TAMM41: variants seen among roughly 807,000 people sequenced by gnomAD.
TAMM41 encodes TAM41 mitochondrial translocator assembly and maintenance homolog.
Under a neutral mutation model 44.1 loss-of-function variants are expected in TAMM41, and 36 were observed. The ratio of observed to expected loss-of-function variants is 0.82; its 90% CI spans 0.63 to 1.08. The LOEUF (loss-of-function observed/expected upper bound fraction) is 1.08. TAMM41 is among the 50% of genes least tolerant of loss of function. The pLI is 0.00. For synonymous variants in TAMM41, 164 were observed against 153.1 expected, an observed-to-expected ratio of 1.07 and a Z score of -0.53; for missense variants, 417 against 404.3, an observed-to-expected ratio of 1.03 and a Z score of -0.27.
chr3:11,783,302 A>G, the TAMM41 span, among the ~76,000 whole-genome samples: 2 of 150,130 alleles, frequency 1.3e-5, no homozygotes, highest in Non-Finnish European at 2.9e-5. Flanking sequence ...AGGAAACTCA[A>G]CCATCAGCTC....
At chr3:11,756,647 C>CA in the TAMM41 span, among the ~76,000 whole-genome samples, 2 of 152,096 alleles carry the variant, frequency 1.3e-5, no homozygotes, top group African/African-American at 4.8e-5. Context: ...GGGCAGATCA[C>CA]ATGAGGTAGG....
At chr3:11,744,454 G>A in the TAMM41 span, among the ~76,000 whole-genome samples, 1 of 151,996 alleles carries the variant, frequency 6.6e-6, no homozygotes, top group African/African-American at 2.4e-5. Context: ...TGCACTTTGT[G>A]GGGGCCAAGG....
the TAMM41 span, among the ~76,000 whole-genome samples, chr3:11,765,460 G>A: frequency 6.6e-6 from 1 of 152,114 alleles, no homozygotes; most frequent in African/African-American, 2.4e-5. Flanking sequence ...ACTCAAATAA[G>A]TTAAGAAAAC....
the TAMM41 span, among the ~76,000 whole-genome samples, chr3:11,737,474 C>A: frequency 7.0e-4 from 106 of 152,118 alleles, no homozygotes; most frequent in Admixed American, 4.1e-3. Flanking sequence ...GCACCCACCA[C>A]CACGCCCAGC....
In TAMM41 at chr3:11,829,245, T is replaced by G. The variant is rs1385627349; in HGVS notation, c.562+469A>C. On this transcript the variant is annotated intron_variant, in intron 4 of 7. Transcript: ENST00000455809. ...ACTTGTTTCTAAAAATAAAAATTAT[T>G]GGGCCCTACCTCAAACCTATTAAAT... 3.9e-5 allele frequency among the ~76,000 whole-genome samples: 6 copies of G among 152,158 alleles called. 2 individuals are homozygous for G. Among genetic ancestry groups the G allele is most frequent in the Admixed American group, 3.9e-4 (6 of 15,266 alleles).
chr3:11,766,713 T>C, the TAMM41 span, among the ~76,000 whole-genome samples: 6 of 150,942 alleles, frequency 4.0e-5, no homozygotes, highest in Non-Finnish European at 7.4e-5. Flanking sequence ...ACCAGGTGTG[T>C]GCACTACTAC....
At chr3:11,776,948 G>A in the TAMM41 span, among the ~76,000 whole-genome samples, 1 of 152,202 alleles carries the variant, frequency 6.6e-6, no homozygotes, top group Non-Finnish European at 1.5e-5. Flanking sequence ...GAATCTGAAA[G>A]CATCAAACTC....
the TAMM41 span, among the ~76,000 whole-genome samples, chr3:11,749,660 A>T: frequency 2.6e-5 from 4 of 152,344 alleles, no homozygotes; most frequent in East Asian, 7.7e-4. Context: ...ATACACAAAC[A>T]CAACGTGCAA....
At chr3:11,803,527 A>G (rs1238533242) in intron 7 of TAMM41, among the ~76,000 whole-genome samples, 4 of 152,250 alleles carry the variant, frequency 2.6e-5, no homozygotes, top group Admixed American at 6.5e-5. Flanking sequence ...AGACCTAAAA[A>G]TAGAATTAAC....
At chr3:11,846,191 G>C (rs1341051799) in intron 1 of TAMM41, among the ~76,000 whole-genome samples, 1 of 152,220 alleles carries the variant, frequency 6.6e-6, no homozygotes, top group Non-Finnish European at 1.5e-5. Context: ...CCGATGTCCA[G>C]CCGACTAAAA....
the TAMM41 span, among the ~76,000 whole-genome samples, chr3:11,748,426 C>G: frequency 6.6e-6 from 1 of 151,484 alleles, no homozygotes; most frequent in African/African-American, 2.4e-5. Context: ...GAACTACAGG[C>G]GGCTGCCACC....
At chr3:11,801,231 T>C (rs574966369) in intron 7 of TAMM41, among the ~76,000 whole-genome samples, 47 of 152,204 alleles carry the variant, frequency 3.1e-4, no homozygotes, top group African/African-American at 1.1e-3. Context: ...AGAATAAAGC[T>C]AGAAATCAAC....
the TAMM41 span, among the ~76,000 whole-genome samples, chr3:11,736,110 CT>C: frequency 6.6e-6 from 1 of 152,184 alleles, no homozygotes; most frequent in Non-Finnish European, 1.5e-5. Flanking sequence ...ATATCAGGAA[CT>C]TCCTGTGTAG....
downstream of TAMM41, chr3:11,790,320 A>C (rs768848160): frequency 8.5e-5 from 53 of 623,204 alleles, no homozygotes; most frequent in Admixed American, 6.0e-4. Context: ...TCTGATGCTA[A>C]GCCCTCTAAT....
chr3:11,846,625 C>T lies in TAMM41; in HGVS notation c.12G>A (p.Gln4=), dbSNP rs778345433. 2 of 1,614,230 alleles carry T rather than the reference C, an allele frequency of 1.2e-6. No homozygotes were observed. Among genetic ancestry groups the T allele is most frequent in the Non-Finnish European group, 1.7e-6 (2 of 1,180,040 alleles). Residue 4 remains glutamine, a synonymous_variant, in exon 1 of 8, where the codon CAG becomes CAA. Transcript: ENST00000455809. ...AGGTCACCCACGAGCTCTGCAGCGTCTGCAGCGCCATGGGGTCGAGGCTAA... is the reference window on the plus strand; with the variant it reads ...AGGTCACCCACGAGCTCTGCAGCGTTTGCAGCGCCATGGGGTCGAGGCTAA... MAL[Q]TLQSSWVTFR...
chr3:11,836,785 A>T (rs952425735), intron 3 of TAMM41, among the ~76,000 whole-genome samples: 1 of 152,252 alleles, frequency 6.6e-6, no homozygotes, highest in African/African-American at 2.4e-5. Flanking sequence ...TATTTAAAAC[A>T]AACAAACAAA....
chr3:11,733,061 C>T, the TAMM41 span, among the ~76,000 whole-genome samples: 46,282 of 144,148 alleles, frequency 0.32, 7,597 homozygotes, highest in Middle Eastern at 0.47. Context: ...TGCAGTGGTA[C>T]GATCTTGGCT....
At chr3:11,760,807 C>T in the TAMM41 span, among the ~76,000 whole-genome samples, 11 of 151,964 alleles carry the variant, frequency 7.2e-5, no homozygotes, top group Non-Finnish European at 1.6e-4. Flanking sequence ...GTGATCCACC[C>T]GCTTTGGCCT....
chr3:11,762,980 G>A, the TAMM41 span, among the ~76,000 whole-genome samples: 1 of 152,222 alleles, frequency 6.6e-6, no homozygotes, highest in Admixed American at 6.5e-5. Flanking sequence ...GGAGGTTGCA[G>A]TAAGCCAAGA....
Sources: gnomAD v4.1 joint callset for allele counts (sites outside exome capture counted in the v4.1 genomes callset) on GRCh38, gnomAD v4.1.1 for gene constraint, MANE v1.5 for transcripts, NCBI Gene and HGNC (gene_info 2026-07-23, HGNC 2026-07-21) for gene names.